The following FOCAD variants were observed in gnomAD, a reference collection of about 807,000 sequenced individuals.
FOCAD encodes the protein focadhesin.
A neutral mutation model predicts 225.6 loss-of-function variants in FOCAD; 198 were observed. That is an observed-to-expected ratio of 0.88 (90% CI 0.78 to 0.99). The LOEUF is 0.99. FOCAD is among the 50% of genes least tolerant of loss of function. The pLI is 0.00. For missense variants in FOCAD, 2,713 were observed against 2,123.6 expected (o/e 1.28, Z -5.46); for synonymous variants, 897 against 755.0 (o/e 1.19, Z -3.08).
chr9:20,923,588 C>T, intron 24 of FOCAD, 72 bp from the exon 25 acceptor site: 8 of 1,154,152 alleles, frequency 6.9e-6, no homozygotes, highest in Non-Finnish European at 1.0e-5. Flanking sequence ...CACCTGCCCT[C>T]CTATATTAGC....
At chr9:20,801,239 G>C (rs969551750) in intron 11 of FOCAD, among the ~76,000 whole-genome samples, 2 of 152,142 alleles carry the variant, frequency 1.3e-5, no homozygotes, top group East Asian at 3.9e-4. Flanking sequence ...AATACAAAGT[G>C]AAAAGCGTTA....
intron 32 of FOCAD, among the ~76,000 whole-genome samples, 180 bp downstream of exon 32, chr9:20,949,108 A>G (rs527950978): frequency 2.0e-5 from 3 of 152,132 alleles, no homozygotes; most frequent in East Asian, 3.8e-4. Context: ...GATTATTTCT[A>G]TAGAGGTTTG....
chr9:20,727,364 G>A (rs1826285191), intron 4 of FOCAD, among the ~76,000 whole-genome samples: 1 of 152,128 alleles, frequency 6.6e-6, no homozygotes, highest in Non-Finnish European at 1.5e-5. Flanking sequence ...ATGCTAAGAT[G>A]TTTCTAGGTG....
At chr9:20,887,978 A>G (rs1454491385) in intron 21 of FOCAD, among the ~76,000 whole-genome samples, 2 of 151,596 alleles carry the variant, frequency 1.3e-5, no homozygotes, top group Non-Finnish European at 2.9e-5. Flanking sequence ...TTTATTTTGT[A>G]TGTATCTGTT....
chr9:20,759,558 A>C (rs1201128196), intron 6 of FOCAD, among the ~76,000 whole-genome samples: 1 of 152,214 alleles, frequency 6.6e-6, no homozygotes, highest in Non-Finnish European at 1.5e-5. Context: ...TACAAAACTT[A>C]ATTCAAGATG....
At chr9:20,896,151 A>C (rs1005371566) in intron 21 of FOCAD, among the ~76,000 whole-genome samples, 1 of 151,878 alleles carries the variant, frequency 6.6e-6, no homozygotes, top group East Asian at 1.9e-4. Context: ...CCCTGTTGAT[A>C]TGTGGGAATA....
chr9:20,745,462 G>A (rs1289498806), intron 5 of FOCAD, among the ~76,000 whole-genome samples: 1 of 152,166 alleles, frequency 6.6e-6, no homozygotes, highest in Non-Finnish European at 1.5e-5. Context: ...TGTTTTGGTT[G>A]CAGGGAAGAA....
At chr9:20,725,836 G>T (rs935465906) in intron 4 of FOCAD, among the ~76,000 whole-genome samples, 9 of 152,164 alleles carry the variant, frequency 5.9e-5, no homozygotes, top group African/African-American at 2.2e-4. Flanking sequence ...TCTCTTCAAA[G>T]GAATAGTTTC....
At chr9:20,885,661 T>A (rs964285867) in intron 21 of FOCAD, 1 of 152,250 alleles carries the variant, frequency 6.6e-6, no homozygotes, top group African/African-American at 2.4e-5. Flanking sequence ...TTTTAATGTT[T>A]ATTTTACTTT....
At chr9:20,849,000 A>G (rs1196451099) in intron 15 of FOCAD, among the ~76,000 whole-genome samples, 1 of 152,004 alleles carries the variant, frequency 6.6e-6, no homozygotes, top group Non-Finnish European at 1.5e-5. Context: ...ATTGAGAAAA[A>G]AGAGGCATTA....
intron 2 of FOCAD, among the ~76,000 whole-genome samples, chr9:20,716,640 C>G (rs1313809293): frequency 6.6e-6 from 1 of 151,976 alleles, no homozygotes; most frequent in Non-Finnish European, 1.5e-5. Context: ...TGATTGTGTC[C>G]TGTCCTTTGC....
intron 15 of FOCAD, among the ~76,000 whole-genome samples, chr9:20,833,788 G>C (rs2131516869): frequency 6.6e-6 from 1 of 152,116 alleles, no homozygotes; most frequent in East Asian, 1.9e-4. Flanking sequence ...AAAAATGTCA[G>C]CATCACTGGT....
intron 10 of FOCAD, 79 bp from the exon 11 acceptor site, chr9:20,789,272 A>G: frequency 6.7e-7 from 1 of 1,485,002 alleles, no homozygotes; most frequent in South Asian, 1.2e-5. Context: ...TTACAATGAA[A>G]TATAAGAATG....
upstream of FOCAD, among the ~76,000 whole-genome samples, chr9:20,656,916 C>T (rs950658194): frequency 6.7e-3 from 1,022 of 151,618 alleles, 7 homozygotes; most frequent in African/African-American, 0.011. Flanking sequence ...CGGCTGGTAC[C>T]GGTTGTTCCT....
At chr9:20,951,172 A>G (rs1370416978) in intron 34 of FOCAD, 74 bp downstream of exon 34, 2 of 1,112,136 alleles carry the variant, frequency 1.8e-6, no homozygotes, top group African/African-American at 3.1e-5. Flanking sequence ...GTTTGTTAAG[A>G]GCATTAATCT....
chr9:20,814,830 C>A (rs897894414), intron 11 of FOCAD, among the ~76,000 whole-genome samples: 1 of 152,112 alleles, frequency 6.6e-6, no homozygotes, highest in Admixed American at 6.6e-5. Context: ...TCACAAATTA[C>A]ATCTTTTTAA....
intron 40 of FOCAD, among the ~76,000 whole-genome samples, chr9:20,987,816 C>G (rs1386584441): frequency 6.6e-6 from 1 of 152,130 alleles, no homozygotes; most frequent in Admixed American, 6.6e-5. Context: ...GCTGGGAATC[C>G]TCTTTTTTAA....
At chr9:20,943,410 G>C (rs1461767906) in intron 28 of FOCAD, among the ~76,000 whole-genome samples, 4 of 152,150 alleles carry the variant, frequency 2.6e-5, no homozygotes, top group Admixed American at 6.5e-5. Context: ...GAAGGGCACT[G>C]AGAGGGGCTT....
chr9:20,692,860 T>C (rs1823055732), intron 1 of FOCAD, among the ~76,000 whole-genome samples: 1 of 152,102 alleles, frequency 6.6e-6, no homozygotes, highest in African/African-American at 2.4e-5. Context: ...GCCTACTTTT[T>C]TTTCTGAGGG....
Sources: allele counts gnomAD v4.1 joint callset (sites outside exome capture counted in the v4.1 genomes callset), GRCh38; gene constraint gnomAD v4.1.1; transcripts MANE v1.5; gene names NCBI Gene and HGNC (gene_info 2026-07-23, HGNC 2026-07-21).